LRRTM4: variants seen among roughly 807,000 people sequenced by gnomAD.
LRRTM4 encodes the protein leucine-rich repeat transmembrane neuronal protein 4.
Under a neutral mutation model 47.6 loss-of-function variants are expected in LRRTM4, and 25 were observed. The observed-to-expected ratio is 0.53, with a 90% CI of 0.38 to 0.73. The LOEUF (loss-of-function observed/expected upper bound fraction) is 0.73, where lower values mean the gene tolerates loss of function less well. LRRTM4 is among the 30% of genes least tolerant of loss of function. The pLI, the probability that LRRTM4 is intolerant of heterozygous loss-of-function variation, is 0.00. For missense variants in LRRTM4, 638 were observed against 713.4 expected (o/e 0.89, Z 1.20); for synonymous variants, 311 against 269.5 (o/e 1.15, Z -1.51).
intron 3 of LRRTM4, among the ~76,000 whole-genome samples, chr2:77,187,608 A>T (rs1174377362): frequency 6.6e-6 from 1 of 152,078 alleles, no homozygotes; most frequent in Non-Finnish European, 1.5e-5. Flanking sequence ...CATGTACCCT[A>T]AAACTTAAAG....
At chr2:77,208,017 C>T (rs1394634845) in intron 3 of LRRTM4, among the ~76,000 whole-genome samples, 1 of 151,428 alleles carries the variant, frequency 6.6e-6, no homozygotes, top group Non-Finnish European at 1.5e-5. Flanking sequence ...TAGCTGGGAT[C>T]ACAGGCACCT....
At chr2:77,328,428 T>C (rs947109216) in intron 3 of LRRTM4, among the ~76,000 whole-genome samples, 5 of 152,174 alleles carry the variant, frequency 3.3e-5, no homozygotes, top group African/African-American at 1.2e-4. Context: ...TACAACTGTG[T>C]AGTTGAAAAG....
chr2:76,853,288 T>C (rs1270850392), intron 3 of LRRTM4, among the ~76,000 whole-genome samples: 1 of 152,098 alleles, frequency 6.6e-6, no homozygotes, highest in Non-Finnish European at 1.5e-5. Flanking sequence ...TCAAGAAATA[T>C]AATCAACAGA....
chr2:76,778,297 C>T (rs1345557899), intron 3 of LRRTM4, among the ~76,000 whole-genome samples: 5 of 143,232 alleles, frequency 3.5e-5, no homozygotes, highest in Non-Finnish European at 7.5e-5. Flanking sequence ...GGAGGATTCC[C>T]TCTTTTTCTA....
rs115141192 is a variant in LRRTM4 at position 76,872,759 on chromosome 2, T to G, written c.1552-123843A>C. 7.6e-3 allele frequency among the ~76,000 whole-genome samples: 1,164 copies of G among 152,188 alleles called. 18 individuals carry two copies. Among genetic ancestry groups the G allele is most frequent in the African/African-American group, 0.027 (1,108 of 41,528 alleles). On this transcript the variant is annotated intron_variant, in intron 3 of 3. Transcript: ENST00000409884. ...GGAGGTGAGACCTAACAGGAGGTGT[T>G]TGGGTCATGGTGCCAGAACCCTCCT...
intron 3 of LRRTM4, among the ~76,000 whole-genome samples, chr2:76,905,754 A>C: frequency 6.6e-6 from 1 of 151,822 alleles, no homozygotes; most frequent in African/African-American, 2.4e-5. Context: ...CAGTGATGGA[A>C]GATGAAATGA....
At chr2:76,926,580 C>T (rs954153642) in intron 3 of LRRTM4, among the ~76,000 whole-genome samples, 2 of 152,198 alleles carry the variant, frequency 1.3e-5, no homozygotes, top group East Asian at 1.9e-4. Flanking sequence ...GGTGATTAGG[C>T]CAGGAGGGCT....
chr2:77,332,059 T>C (rs905007651), intron 3 of LRRTM4, among the ~76,000 whole-genome samples: 5 of 152,184 alleles, frequency 3.3e-5, no homozygotes, highest in Non-Finnish European at 7.3e-5. Context: ...CAAATATGTT[T>C]CTTAAGAAGA....
At chr2:77,081,571 T>TTCATC (rs1680535228) in intron 3 of LRRTM4, among the ~76,000 whole-genome samples, 1 of 152,266 alleles carries the variant, frequency 6.6e-6, no homozygotes, top group African/African-American at 2.4e-5. Context: ...AAGTCAAGCT[T>TTCATC]TCATCACTTT....
chr2:77,070,895 G>C (rs541006552), intron 3 of LRRTM4, among the ~76,000 whole-genome samples: 1 of 152,136 alleles, frequency 6.6e-6, no homozygotes, highest in Non-Finnish European at 1.5e-5. Flanking sequence ...TGGGATTACA[G>C]GTGTGAGCCA....
intron 3 of LRRTM4, among the ~76,000 whole-genome samples, chr2:77,197,700 T>A (rs1214519797): frequency 6.6e-6 from 1 of 152,230 alleles, no homozygotes; most frequent in African/African-American, 2.4e-5. Context: ...TAAGCCCTTT[T>A]AGCTGACCTT....
rs560958790 is a variant in LRRTM4 at position 77,189,205 on chromosome 2, A to G, written c.1551+329113T>C. On this transcript the variant is annotated intron_variant, in intron 3 of 3. Transcript: ENST00000409884. Reference sequence around the variant, plus strand: ...CTCTCTAGATATATTTAAATCATCTAAACAATTTCAATAAATAACTTACAA... The same window carrying G: ...CTCTCTAGATATATTTAAATCATCTGAACAATTTCAATAAATAACTTACAA... Among the ~76,000 whole-genome samples the G allele has an allele frequency of 3.0e-4, 46 of 152,350 alleles. No individual in the cohort carries two copies. In the South Asian group the frequency reaches 9.3e-3, roughly 31 times the overall value.
intron 3 of LRRTM4, among the ~76,000 whole-genome samples, chr2:77,238,985 C>G (rs1168903310): frequency 6.6e-6 from 1 of 151,554 alleles, no homozygotes. Flanking sequence ...GTATATAAAC[C>G]TACAAGGTAC....
chr2:76,888,740 T>C (rs1001031638), intron 3 of LRRTM4, among the ~76,000 whole-genome samples: 1 of 151,832 alleles, frequency 6.6e-6, no homozygotes, highest in Non-Finnish European at 1.5e-5. Context: ...ACTATGTATT[T>C]TGTTCTGCAC....
At chr2:77,093,681 G>C (rs1670721236) in intron 3 of LRRTM4, among the ~76,000 whole-genome samples, 1 of 151,812 alleles carries the variant, frequency 6.6e-6, no homozygotes, top group Non-Finnish European at 1.5e-5. Flanking sequence ...AGGCCTCTGA[G>C]CCCAAGCCAA....
chr2:77,370,063 T>C (rs966812635), intron 3 of LRRTM4, among the ~76,000 whole-genome samples: 6 of 151,790 alleles, frequency 4.0e-5, no homozygotes, highest in African/African-American at 1.2e-4. Context: ...TGTAGGCCAG[T>C]GTGCATAATG....
At chr2:77,429,685 G>A (rs1047576132) in intron 3 of LRRTM4, among the ~76,000 whole-genome samples, 1 of 152,160 alleles carries the variant, frequency 6.6e-6, no homozygotes, top group African/African-American at 2.4e-5. Context: ...GAGTGGAATG[G>A]CGGTTATCAG....
At chr2:77,048,042 CAT>C (rs1322464277) in intron 3 of LRRTM4, among the ~76,000 whole-genome samples, 3 of 151,992 alleles carry the variant, frequency 2.0e-5, no homozygotes, top group African/African-American at 7.2e-5. Flanking sequence ...TGATACAAAA[CAT>C]ATCTCTCGAT....
intron 3 of LRRTM4, among the ~76,000 whole-genome samples, chr2:77,468,952 G>A (rs927854386): frequency 8.5e-5 from 13 of 152,146 alleles, no homozygotes; most frequent in African/African-American, 2.7e-4. Context: ...TATGATGTCC[G>A]TTTTTACTAC....
Sources: gnomAD v4.1 joint callset for allele counts (sites outside exome capture counted in the v4.1 genomes callset) on GRCh38, gnomAD v4.1.1 for gene constraint, MANE v1.5 for transcripts, NCBI Gene and HGNC (gene_info 2026-07-23, HGNC 2026-07-21) for gene names.